The following PTPRM variants were observed in gnomAD, a reference collection of about 807,000 sequenced individuals.
The protein encoded by PTPRM is protein tyrosine phosphatase receptor type M.
In PTPRM, 47 loss-of-function variants were observed where a neutral mutation model predicts 186.7. The observed-to-expected ratio is 0.25, with a 90% CI of 0.20 to 0.32. The LOEUF is 0.32. PTPRM is among the 10% of genes least tolerant of loss of function. The pLI, the probability that PTPRM is intolerant of heterozygous loss-of-function variation, is 1.00. For synonymous variants in PTPRM, 668 were observed against 674.9 expected (o/e 0.99, Z 0.16); for missense variants, 1,494 against 1,865.0 (o/e 0.80, Z 3.66).
Position 8,161,484 on chromosome 18 carries a change from C to G in PTPRM, c.2300+17705C>G, listed in dbSNP as rs139220579. On this transcript the variant is annotated intron_variant, in intron 14 of 32. Transcript: ENST00000580170. Reference sequence around the variant, plus strand: ...TGTCCAGCTTCAGGCAAGTATATTACAGTGTCACAAATCTTCCCATCTCCC... The same window carrying G: ...TGTCCAGCTTCAGGCAAGTATATTAGAGTGTCACAAATCTTCCCATCTCCC... Among the ~76,000 whole-genome samples, 687 of 152,182 alleles carry G rather than the reference C, an allele frequency of 4.5e-3. 4 individuals are homozygous for G. The highest frequency in any genetic ancestry group is 0.015 in the African/African-American group (616 of 41,526).
intron 1 of PTPRM, among the ~76,000 whole-genome samples, chr18:7,594,694 A>G (rs1033441266): frequency 6.6e-5 from 10 of 152,210 alleles, no homozygotes; most frequent in African/African-American, 2.2e-4. Flanking sequence ...TTTATGTCAG[A>G]AAGTTGGACA....
At chr18:8,219,438 G>C (rs1024069273) in intron 14 of PTPRM, among the ~76,000 whole-genome samples, 1 of 150,990 alleles carries the variant, frequency 6.6e-6, no homozygotes, top group African/African-American at 2.4e-5. Flanking sequence ...CTGCACTCCA[G>C]CCTGGGTGAC....
intron 7 of PTPRM, among the ~76,000 whole-genome samples, chr18:7,972,783 A>G (rs1568106043): frequency 6.6e-6 from 1 of 152,150 alleles, no homozygotes; most frequent in Non-Finnish European, 1.5e-5. Context: ...TATATGATGA[A>G]GAAGGTAACA....
chr18:8,131,671 A>T (rs1022893332), intron 13 of PTPRM, among the ~76,000 whole-genome samples: 25 of 152,230 alleles, frequency 1.6e-4, no homozygotes, highest in African/African-American at 6.0e-4. Context: ...GAACTCTATT[A>T]TATGGATTAT....
At chr18:7,942,463 G>A (rs1051061302) in intron 5 of PTPRM, among the ~76,000 whole-genome samples, 1 of 152,042 alleles carries the variant, frequency 6.6e-6, no homozygotes, top group African/African-American at 2.4e-5. Context: ...AGGCCTGTTT[G>A]TTCAGATTCT....
At chr18:7,778,355 C>T (rs548030815) in intron 2 of PTPRM, among the ~76,000 whole-genome samples, 1 of 152,134 alleles carries the variant, frequency 6.6e-6, no homozygotes, top group Non-Finnish European at 1.5e-5. Context: ...TCACGGTTTT[C>T]TTGGTGGTGA....
intron 7 of PTPRM, among the ~76,000 whole-genome samples, chr18:8,003,738 A>G (rs1296559775): frequency 2.0e-5 from 3 of 152,234 alleles, no homozygotes; most frequent in African/African-American, 7.2e-5. Flanking sequence ...TTGCATCTGT[A>G]TAATTGCATC....
At chr18:7,616,832 G>A (rs1356107654) in intron 1 of PTPRM, among the ~76,000 whole-genome samples, 2 of 152,212 alleles carry the variant, frequency 1.3e-5, no homozygotes, top group East Asian at 1.9e-4. Flanking sequence ...GTTCTCACTC[G>A]CATGGCCAAG....
intron 20 of PTPRM, among the ~76,000 whole-genome samples, chr18:8,297,879 G>A (rs1037043151): frequency 6.6e-6 from 1 of 152,222 alleles, no homozygotes; most frequent in African/African-American, 2.4e-5. Context: ...GCTGTATTTA[G>A]TAGCATTGGA....
Position 7,963,078 on chromosome 18 carries a change from A to C in PTPRM, c.1132+7664A>C, listed in dbSNP as rs562202181. ...TGTTTTAATGAATTTTCAATACATG[A>C]AGCCATTAAAAACCTTTTTAAATTA... On this transcript the variant is annotated intron_variant, in intron 7 of 32. Coordinates refer to ENST00000580170, the MANE Select transcript of PTPRM (RefSeq NM_001105244.2). 5.2e-5 allele frequency among the ~76,000 whole-genome samples: 8 copies of C among 152,382 alleles called. No individual in the cohort carries two copies. In the South Asian group the frequency reaches 1.7e-3, roughly 32 times the overall value.
At chr18:8,358,166 A>G (rs2095574261) in intron 23 of PTPRM, among the ~76,000 whole-genome samples, 1 of 150,994 alleles carries the variant, frequency 6.6e-6, no homozygotes, top group African/African-American at 2.4e-5. Flanking sequence ...TGCCTGCGTG[A>G]GTAACCAGAC....
chr18:8,070,327 A>C (rs1477286807), intron 8 of PTPRM, among the ~76,000 whole-genome samples: 1 of 152,102 alleles, frequency 6.6e-6, no homozygotes, highest in East Asian at 1.9e-4. Context: ...TGGACTGAAA[A>C]ATTGTTGTTT....
intron 14 of PTPRM, among the ~76,000 whole-genome samples, chr18:8,217,910 A>G (rs1199964146): frequency 6.6e-6 from 1 of 152,224 alleles, no homozygotes; most frequent in East Asian, 1.9e-4. Flanking sequence ...GATCCATAGT[A>G]TCGCGTTGTA....
chr18:7,953,319 C>G (rs939262230), intron 6 of PTPRM, among the ~76,000 whole-genome samples: 6 of 152,098 alleles, frequency 3.9e-5, no homozygotes, highest in South Asian at 2.1e-4. Flanking sequence ...ATTTGCAACT[C>G]GAAAGTAATT....
chr18:8,336,819 A>G (rs940330550), intron 22 of PTPRM, among the ~76,000 whole-genome samples: 1 of 151,834 alleles, frequency 6.6e-6, no homozygotes, highest in African/African-American at 2.4e-5. Context: ...TACAAAAATT[A>G]TACAAAAATT....
chr18:8,171,914 A>G (rs2093406878), intron 14 of PTPRM, among the ~76,000 whole-genome samples: 2 of 152,230 alleles, frequency 1.3e-5, no homozygotes, highest in African/African-American at 4.8e-5. Flanking sequence ...AACCTATTTT[A>G]TAATAAAGTG....
At chr18:8,043,459 C>A (rs775986036) in intron 7 of PTPRM, among the ~76,000 whole-genome samples, 2 of 152,080 alleles carry the variant, frequency 1.3e-5, no homozygotes, top group Admixed American at 6.6e-5. Context: ...ATTATTTGGT[C>A]CTATGGTAGT....
At chr18:8,161,550 C>CT (rs1341730498) in intron 14 of PTPRM, among the ~76,000 whole-genome samples, 1 of 152,110 alleles carries the variant, frequency 6.6e-6, no homozygotes, top group Non-Finnish European at 1.5e-5. Context: ...ACTAAGTGTT[C>CT]TAACTTTTTG....
intron 14 of PTPRM, among the ~76,000 whole-genome samples, chr18:8,220,077 G>A (rs1466562466): frequency 3.9e-5 from 6 of 152,030 alleles, no homozygotes; most frequent in Admixed American, 3.9e-4. Context: ...AAGTCAGTGG[G>A]GAGCTTAGGA....
Sources: allele counts gnomAD v4.1 joint callset (sites outside exome capture counted in the v4.1 genomes callset), GRCh38; gene constraint gnomAD v4.1.1; transcripts MANE v1.5; gene names NCBI Gene and HGNC (gene_info 2026-07-23, HGNC 2026-07-21).